PLD5: variants seen among roughly 807,000 people sequenced by gnomAD.
PLD5 encodes the protein inactive phospholipase D5.
A neutral mutation model predicts 61.1 loss-of-function variants in PLD5; 36 were observed. The observed-to-expected ratio is 0.59, with a 90% confidence interval of 0.45 to 0.78. PLD5 has a LOEUF of 0.78. Among genes scored for constraint, PLD5 ranks in the 30% least tolerant of loss-of-function variants. The pLI is 0.00. For synonymous variants in PLD5, 243 were observed against 242.8 expected (o/e 1.00, Z -0.01); for missense variants, 515 against 644.4 (o/e 0.80, Z 2.17).
chr1:242,520,372 T>C (rs1488775694), intron 1 of PLD5, among the ~76,000 whole-genome samples: 1 of 152,202 alleles, frequency 6.6e-6, no homozygotes, highest in African/African-American at 2.4e-5. Context: ...TGTTCGTTCC[T>C]GCACTACAGA....
chr1:242,450,624 A>T (rs1666741946), intron 1 of PLD5, among the ~76,000 whole-genome samples: 1 of 152,198 alleles, frequency 6.6e-6, no homozygotes, highest in Non-Finnish European at 1.5e-5. Flanking sequence ...GTTCTAGAGC[A>T]AATTCATCCC....
At chr1:242,476,304 G>T (rs557114896) in intron 1 of PLD5, among the ~76,000 whole-genome samples, 1 of 151,800 alleles carries the variant, frequency 6.6e-6, no homozygotes, top group Non-Finnish European at 1.5e-5. Flanking sequence ...GCAGTGAGCC[G>T]AGATTGCACC....
At chr1:242,096,418 C>T (rs1452227528) in intron 9 of PLD5, among the ~76,000 whole-genome samples, 5 of 151,932 alleles carry the variant, frequency 3.3e-5, no homozygotes, top group South Asian at 2.1e-4. Flanking sequence ...CTTGGTTCAC[C>T]GCAACCTCTG....
chr1:242,366,517 C>T (rs958857987), intron 1 of PLD5, among the ~76,000 whole-genome samples: 4 of 152,074 alleles, frequency 2.6e-5, no homozygotes, highest in African/African-American at 9.7e-5. Flanking sequence ...CATTCCTTTT[C>T]AAGGAGTTGT....
chr1:242,303,246 T>G (rs1053738444), intron 2 of PLD5, among the ~76,000 whole-genome samples: 1 of 152,224 alleles, frequency 6.6e-6, no homozygotes, highest in Non-Finnish European at 1.5e-5. Flanking sequence ...CTGGCAATGA[T>G]AGTCAATCAC....
chr1:242,280,460 T>A (rs1255895199), intron 3 of PLD5, among the ~76,000 whole-genome samples: 1 of 152,244 alleles, frequency 6.6e-6, no homozygotes, highest in Non-Finnish European at 1.5e-5. Context: ...TTTTTCCCTA[T>A]GTCCTCATTA....
intron 1 of PLD5, among the ~76,000 whole-genome samples, chr1:242,390,359 A>G (rs1220754985): frequency 6.6e-6 from 1 of 152,190 alleles, no homozygotes; most frequent in Middle Eastern, 3.2e-3. Context: ...AAGCAGAGAG[A>G]AACAAGGAGA....
chr1:242,441,773 G>GT (rs1320823246), intron 1 of PLD5, among the ~76,000 whole-genome samples: 1 of 152,010 alleles, frequency 6.6e-6, no homozygotes, highest in Non-Finnish European at 1.5e-5. Context: ...AGCCCAAGAG[G>GT]TCTCACCATT....
intron 2 of PLD5, among the ~76,000 whole-genome samples, chr1:242,320,129 A>AT (rs1268861044): frequency 9.2e-5 from 14 of 152,338 alleles, no homozygotes; most frequent in Admixed American, 2.0e-4. Context: ...GTCATCTTTG[A>AT]TTTACAACAC....
intron 4 of PLD5, among the ~76,000 whole-genome samples, chr1:242,264,554 GT>G (rs1049186442): frequency 2.6e-5 from 4 of 152,162 alleles, no homozygotes; most frequent in African/African-American, 9.7e-5. Context: ...GGCACAGTAT[GT>G]TTAAACAGCA....
chr1:242,523,895 C>T (rs948506359), intron 1 of PLD5, among the ~76,000 whole-genome samples, 193 bp downstream of exon 1: 6 of 152,190 alleles, frequency 3.9e-5, no homozygotes, highest in African/African-American at 1.4e-4. Context: ...AACCTGCCCT[C>T]CCCTCCCCGC....
chr1:242,165,578 T>C (rs981106591), intron 5 of PLD5, among the ~76,000 whole-genome samples: 18 of 152,212 alleles, frequency 1.2e-4, no homozygotes, highest in African/African-American at 4.3e-4. Flanking sequence ...GATTCTATTC[T>C]GACTGATAGG....
At chr1:242,474,688 C>T (rs989193342) in intron 1 of PLD5, among the ~76,000 whole-genome samples, 1 of 152,204 alleles carries the variant, frequency 6.6e-6, no homozygotes, top group South Asian at 2.1e-4. Context: ...CCTTTCTCTG[C>T]AGTATCATCA....
chr1:242,168,666 G>A lies in PLD5; in HGVS notation c.736-44001C>T, dbSNP rs560146452. Among the ~76,000 whole-genome samples the A allele has an allele frequency of 2.0e-5, 3 of 152,146 alleles. No individual in the cohort carries two copies. The South Asian group carries it at 6.2e-4, about 32-fold the overall frequency. ...CAAGCTTGTTGGGAATGAGTTATTG[G>A]CTCATTAAAACAACAATCCGCTGCA... is the stretch of plus-strand genomic sequence containing the variant. On this transcript the variant is annotated intron_variant, in intron 5 of 9. Coordinates refer to ENST00000536534, the MANE Select transcript of PLD5 (RefSeq NM_001372062.1).
At chr1:242,397,346 G>T (rs200951945) in intron 1 of PLD5, among the ~76,000 whole-genome samples, 12 of 145,356 alleles carry the variant, frequency 8.3e-5, no homozygotes, top group Admixed American at 7.6e-4. Flanking sequence ...TTTTTTCTTT[G>T]TTTTTTTTTT....
chr1:242,183,894 CAAAATAAATAAATAAATA>C (rs1667699788), intron 5 of PLD5, among the ~76,000 whole-genome samples: 1 of 150,162 alleles, frequency 6.7e-6, no homozygotes, highest in Non-Finnish European at 1.5e-5. Flanking sequence ...GACTCCGTCT[CAAAATAAATAAATAAATA>C]AAAATAAATA....
intron 1 of PLD5, among the ~76,000 whole-genome samples, chr1:242,504,250 G>A (rs1297615564): frequency 1.3e-5 from 2 of 152,288 alleles, no homozygotes; most frequent in African/African-American, 2.4e-5. Flanking sequence ...AAAATGTGTT[G>A]TTTTCATCAT....
intron 2 of PLD5, among the ~76,000 whole-genome samples, chr1:242,316,429 G>A (rs1331545910): frequency 6.6e-6 from 1 of 152,012 alleles, no homozygotes; most frequent in Non-Finnish European, 1.5e-5. Flanking sequence ...GGTTGAGGCT[G>A]GAAGAACAGG....
At chr1:242,391,724 G>A (rs1289855170) in intron 1 of PLD5, among the ~76,000 whole-genome samples, 1 of 152,166 alleles carries the variant, frequency 6.6e-6, no homozygotes, top group African/African-American at 2.4e-5. Context: ...GTAATCAGAT[G>A]CCAGGGCACA....
Sources: gnomAD v4.1 joint callset for allele counts (sites outside exome capture counted in the v4.1 genomes callset) on GRCh38, gnomAD v4.1.1 for gene constraint, MANE v1.5 for transcripts, NCBI Gene and HGNC (gene_info 2026-07-23, HGNC 2026-07-21) for gene names.